ARHGAP19: variants seen among roughly 807,000 people sequenced by gnomAD.
ARHGAP19 encodes rho GTPase-activating protein 19.
Under a neutral mutation model 60.9 loss-of-function variants are expected in ARHGAP19, and 48 were observed. That is an observed-to-expected ratio of 0.79 (90% CI 0.62 to 1.00). The LOEUF (loss-of-function observed/expected upper bound fraction) is 1.00, where lower values mean the gene tolerates loss of function less well. ARHGAP19 is among the 50% of genes least tolerant of loss of function. The pLI, the probability that ARHGAP19 is intolerant of heterozygous loss-of-function variation, is 0.00. For missense variants in ARHGAP19, 562 were observed against 597.2 expected (o/e 0.94, Z 0.61); for synonymous variants, 209 against 215.5 (o/e 0.97, Z 0.27).
intron 9 of ARHGAP19, among the ~76,000 whole-genome samples, chr10:97,234,625 C>T (rs1043606847): frequency 2.6e-5 from 4 of 152,032 alleles, no homozygotes; most frequent in Non-Finnish European, 4.4e-5. Context: ...CTACATGTTC[C>T]GATAGTTTGA....
At position 97,265,903 on chromosome 10, in the gene ARHGAP19, T is replaced by C. The variant is rs779644060; in HGVS notation, c.279A>G (p.Pro93=). ...VDLKLPGGAG[P]ASGFFRSLMS... ...TGAGAGACCGGAAGAATCCTGATGC[T>C]GGGCCAGCCCCGCCAGGCAACTTAA... The change falls in exon 2 of 12, where the codon CCA becomes CCG. Residue 93 remains proline (P), a synonymous_variant. Coordinates refer to ENST00000358531, the MANE Select transcript of ARHGAP19 (RefSeq NM_032900.6). The C allele has an allele frequency of 2.5e-6, 4 of 1,614,168 alleles. No homozygotes were observed.
intron 8 of ARHGAP19, among the ~76,000 whole-genome samples, chr10:97,238,422 T>C (rs1460606909): frequency 6.6e-6 from 1 of 152,184 alleles, no homozygotes; most frequent in East Asian, 1.9e-4. Flanking sequence ...AGGTCAATGC[T>C]GCCCAGGGTG....
chr10:97,251,214 GGGGAATGGAA>G (rs1842645576), intron 6 of ARHGAP19, among the ~76,000 whole-genome samples: 1 of 58,904 alleles, frequency 1.7e-5, no homozygotes, highest in Non-Finnish European at 3.6e-5. Flanking sequence ...GGAAGGGGAA[GGGGAATGGAA>G]GGGGAAGGGA....
At chr10:97,237,527 G>T (rs1378253262) in intron 8 of ARHGAP19, among the ~76,000 whole-genome samples, 1 of 152,116 alleles carries the variant, frequency 6.6e-6, no homozygotes, top group Non-Finnish European at 1.5e-5. Context: ...GCTGGAAGCT[G>T]TATAAAAGTC....
chr10:97,256,950 T>C (rs1842761927), intron 5 of ARHGAP19, among the ~76,000 whole-genome samples: 1 of 152,004 alleles, frequency 6.6e-6, no homozygotes, highest in South Asian at 2.1e-4. Context: ...TGAAACACCG[T>C]CTCTACCAAA....
At chr10:97,263,962 C>T (rs1333959282) in intron 3 of ARHGAP19, among the ~76,000 whole-genome samples, 2 of 152,176 alleles carry the variant, frequency 1.3e-5, no homozygotes, top group Non-Finnish European at 2.9e-5. Context: ...AGCCAAATCT[C>T]CCTAAAGACC....
At chr10:97,274,760 G>A (rs1472487458) in intron 1 of ARHGAP19, among the ~76,000 whole-genome samples, 1 of 152,128 alleles carries the variant, frequency 6.6e-6, no homozygotes, top group Non-Finnish European at 1.5e-5. Flanking sequence ...CATCATAAAA[G>A]TTTTTACATA....
chr10:97,278,512 T>C (rs538070876), intron 1 of ARHGAP19, among the ~76,000 whole-genome samples: 4 of 152,292 alleles, frequency 2.6e-5, no homozygotes, highest in African/African-American at 9.6e-5. Flanking sequence ...AAGATATAAC[T>C]CAGTGAACAG....
chr10:97,258,498 C>A (rs1842785675), intron 5 of ARHGAP19, among the ~76,000 whole-genome samples: 1 of 152,050 alleles, frequency 6.6e-6, no homozygotes, highest in African/African-American at 2.4e-5. Flanking sequence ...TGCACCACTG[C>A]TCTCCAGCCT....
At chr10:97,278,205 T>G (rs1288695716) in intron 1 of ARHGAP19, 1 of 153,348 alleles carries the variant, frequency 6.5e-6, no homozygotes, top group Non-Finnish European at 1.5e-5. Flanking sequence ...TATTCCAGGA[T>G]CTTTCGATTT....
At chr10:97,240,607 C>A (rs961340439) in intron 8 of ARHGAP19, among the ~76,000 whole-genome samples, 1 of 152,130 alleles carries the variant, frequency 6.6e-6, no homozygotes, top group African/African-American at 2.4e-5. Context: ...GGCGAGATCA[C>A]GCCACTGCAC....
At chr10:97,229,063 T>C in intron 11 of ARHGAP19, 84 bp downstream of exon 11, 1 of 1,305,286 alleles carries the variant, frequency 7.7e-7, no homozygotes, top group East Asian at 2.3e-5. Context: ...AAATGTACTA[T>C]CCTGGGAATT....
chr10:97,252,445 AC>A (rs752998992), intron 6 of ARHGAP19, among the ~76,000 whole-genome samples: 17 of 150,528 alleles, frequency 1.1e-4, no homozygotes, highest in Non-Finnish European at 2.4e-4. Context: ...ACATGGTGAA[AC>A]CCCGTCTCTA....
intron 8 of ARHGAP19, among the ~76,000 whole-genome samples, chr10:97,243,427 C>G (rs1842517997): frequency 6.6e-6 from 1 of 152,160 alleles, no homozygotes; most frequent in African/African-American, 2.4e-5. Context: ...ACAGCTCCAG[C>G]ATAAACAAAC....
chr10:97,229,861 C>T lies in ARHGAP19; in HGVS notation c.1298G>A (p.Gly433Glu). 1 of 1,607,724 alleles carries T rather than the reference C, an allele frequency of 6.2e-7. No individual in the cohort carries two copies. The highest frequency in any genetic ancestry group is 8.5e-7 in the Non-Finnish European group (1 of 1,176,520). ...TTTCTTTTCTGACATCATCTGATTT[C>T]CCAGGACCTTCCGCTGATTTAAGAA... ...FSGLIKRKVLGNQMMSEKKKK... is the reference protein window; with the variant it reads ...FSGLIKRKVLENQMMSEKKKK... Residue 433 changes from glycine to glutamate, a missense_variant, in exon 10 of 12, where the codon GGA becomes GAA. Transcript: ENST00000358531.
chr10:97,237,622 A>G (rs150418827), intron 8 of ARHGAP19, among the ~76,000 whole-genome samples: 223 of 152,238 alleles, frequency 1.5e-3, no homozygotes, highest in African/African-American at 5.2e-3. Context: ...TATAATCCCA[A>G]CACTTTAGGA....
At chr10:97,241,691 C>T (rs1701046213) in intron 8 of ARHGAP19, among the ~76,000 whole-genome samples, 1 of 151,554 alleles carries the variant, frequency 6.6e-6, no homozygotes, top group South Asian at 2.1e-4. Flanking sequence ...CCAGCCTGGG[C>T]AACAGAGCGA....
chr10:97,245,595 CA>C (rs397845381), intron 7 of ARHGAP19, among the ~76,000 whole-genome samples: 12,849 of 112,240 alleles, frequency 0.11, 645 homozygotes, highest in East Asian at 0.18. Context: ...AACCCTATCT[CA>C]AAAAAAAAAA....
At chr10:97,240,645 T>C (rs1260097377) in intron 8 of ARHGAP19, among the ~76,000 whole-genome samples, 1 of 152,198 alleles carries the variant, frequency 6.6e-6, no homozygotes, top group Non-Finnish European at 1.5e-5. Flanking sequence ...AGCAGAACTC[T>C]GTCTCAAATA....
Sources: gnomAD v4.1 joint callset for allele counts (sites outside exome capture counted in the v4.1 genomes callset) on GRCh38, gnomAD v4.1.1 for gene constraint, MANE v1.5 for transcripts, NCBI Gene and HGNC (gene_info 2026-07-23, HGNC 2026-07-21) for gene names.